Variants in PLAAT1 observed in about 807,000 individuals in gnomAD.
The protein encoded by PLAAT1 is phospholipase A and acyltransferase 1.
A neutral mutation model predicts 16.4 loss-of-function variants in PLAAT1; 13 were observed. The observed-to-expected ratio is 0.79, with a 90% CI of 0.52 to 1.26. The LOEUF is 1.26. Among genes scored for constraint, PLAAT1 ranks in the 50% most tolerant of loss-of-function variants. The pLI is 0.00. For synonymous variants in PLAAT1, 73 were observed against 78.4 expected (o/e 0.93, Z 0.36); for missense variants, 218 against 207.8 (o/e 1.05, Z -0.30).
chr3:193,257,046 A>AT (rs1256422494), intron 2 of PLAAT1, among the ~76,000 whole-genome samples: 1 of 152,042 alleles, frequency 6.6e-6, no homozygotes, highest in Non-Finnish European at 1.5e-5. Context: ...ACACATCTGC[A>AT]TTTTTTTCTA....
chr3:193,258,186 C>A (rs1716447753), intron 2 of PLAAT1, among the ~76,000 whole-genome samples: 2 of 152,060 alleles, frequency 1.3e-5, no homozygotes, highest in Admixed American at 1.3e-4. Context: ...GAAATGAGGG[C>A]AGAAATCAAA....
At chr3:193,266,625 A>T (rs1716785821) in intron 3 of PLAAT1, among the ~76,000 whole-genome samples, 1 of 152,166 alleles carries the variant, frequency 6.6e-6, no homozygotes, top group Non-Finnish European at 1.5e-5. Flanking sequence ...ACTGTTTATC[A>T]GTCTTCTAAT....
intron 2 of PLAAT1, among the ~76,000 whole-genome samples, chr3:193,257,257 G>T (rs1716412948): frequency 1.3e-5 from 2 of 152,066 alleles, no homozygotes; most frequent in Admixed American, 1.3e-4. Flanking sequence ...GACTATCACT[G>T]TGCCCAAGAG....
At chr3:193,248,402 A>G (rs182636724) in intron 1 of PLAAT1, among the ~76,000 whole-genome samples, 84 of 151,940 alleles carry the variant, frequency 5.5e-4, no homozygotes, top group Non-Finnish European at 1.1e-3. Flanking sequence ...AATTTAATAC[A>G]CTTACATTCA....
upstream of PLAAT1, chr3:193,241,115 C>T (rs1715710874): frequency 2.4e-6 from 2 of 840,522 alleles, no homozygotes; most frequent in Middle Eastern, 4.3e-4. Context: ...AGGTGCAGTT[C>T]CCCGGCGGGC....
Position 193,244,468 on chromosome 3 carries a change from GT to G in PLAAT1, c.-1+2947del, listed in dbSNP as rs550328718. On this transcript the variant is annotated intron_variant, in intron 1 of 3. Transcript: ENST00000264735. The stretch of plus-strand genomic sequence containing the variant: ...TAGATGTATAATGATATCTCATTTT[GT>G]TTTTTTTTTTTAAATTGACAATGAT... Among the ~76,000 whole-genome samples, 1,048 of 141,876 alleles carry G rather than the reference GT, an allele frequency of 7.4e-3. 14 individuals carry two copies. The highest frequency in any genetic ancestry group is 0.037 in the Middle Eastern group (10 of 270). The allele number at this position is 141,876 out of a possible 152,430, so 93.1% of individuals were successfully genotyped here.
intron 2 of PLAAT1, among the ~76,000 whole-genome samples, chr3:193,256,537 A>T (rs1464411748): frequency 6.6e-6 from 1 of 152,198 alleles, no homozygotes; most frequent in East Asian, 1.9e-4. Flanking sequence ...AAGCTAATAC[A>T]CCTTTTGAAA....
intron 3 of PLAAT1, among the ~76,000 whole-genome samples, chr3:193,264,920 A>G (rs1012070055): frequency 3.9e-5 from 6 of 152,236 alleles, no homozygotes; most frequent in African/African-American, 9.6e-5. Context: ...TCTAGAATAC[A>G]TATTTTTCAT....
At chr3:193,257,230 C>A (rs1362646588) in intron 2 of PLAAT1, among the ~76,000 whole-genome samples, 1 of 152,124 alleles carries the variant, frequency 6.6e-6, no homozygotes, top group Non-Finnish European at 1.5e-5. Flanking sequence ...CCAGTGTGAG[C>A]CCCATGTTCA....
chr3:193,244,845 G>T (rs188923724), intron 1 of PLAAT1, among the ~76,000 whole-genome samples: 2 of 152,012 alleles, frequency 1.3e-5, no homozygotes, highest in African/African-American at 4.8e-5. Flanking sequence ...TTTAATCCAT[G>T]AACTCCTTAA....
At chr3:193,276,847 A>G in intron 2 of PLAAT1, 9 of 1,587,540 alleles carry the variant, frequency 5.7e-6, no homozygotes, top group East Asian at 2.2e-5. Context: ...AAAAACAAAT[A>G]CCATTATTAT....
At chr3:193,277,399 A>T (rs1717269083) in intron 2 of PLAAT1, among the ~76,000 whole-genome samples, 1 of 152,164 alleles carries the variant, frequency 6.6e-6, no homozygotes, top group South Asian at 2.1e-4. Context: ...TGCTTATTTA[A>T]AGTGTGAGAG....
chr3:193,275,198 G>C (rs200117973), downstream of PLAAT1: 319 of 1,614,182 alleles, frequency 2.0e-4, no homozygotes, highest in Middle Eastern at 4.6e-3. Flanking sequence ...GCCAGGTTGA[G>C]TCTTCTGCTA....
At chr3:193,244,123 T>G (rs1715882847) in intron 1 of PLAAT1, among the ~76,000 whole-genome samples, 1 of 152,238 alleles carries the variant, frequency 6.6e-6, no homozygotes, top group African/African-American at 2.4e-5. Flanking sequence ...TTTAATTTTT[T>G]TAACCACCCT....
chr3:193,272,050 T>C (rs1173910870), downstream of PLAAT1, among the ~76,000 whole-genome samples: 1 of 152,136 alleles, frequency 6.6e-6, no homozygotes, highest in East Asian at 1.9e-4. Flanking sequence ...GGTGTGAGTG[T>C]CTCCTACCAG....
chr3:193,243,806 C>T (rs1715871545), intron 1 of PLAAT1, among the ~76,000 whole-genome samples: 1 of 152,286 alleles, frequency 6.6e-6, no homozygotes, highest in African/African-American at 2.4e-5. Context: ...ACAGAACAAC[C>T]TGTCACCACT....
chr3:193,271,103 C>T (rs113218542), downstream of PLAAT1, among the ~76,000 whole-genome samples: 2,947 of 152,256 alleles, frequency 0.019, 106 homozygotes, highest in African/African-American at 0.068. Flanking sequence ...AGTTGACATC[C>T]AAATTCATGT....
intron 3 of PLAAT1, among the ~76,000 whole-genome samples, chr3:193,264,117 G>T (rs999612649): frequency 4.3e-4 from 65 of 152,226 alleles, no homozygotes; most frequent in Non-Finnish European, 1.2e-4. Context: ...AAATTTGAAG[G>T]ATAATACCAT....
intron 1 of PLAAT1, among the ~76,000 whole-genome samples, chr3:193,242,452 G>A (rs78845223): frequency 0.012 from 1,824 of 152,182 alleles, 40 homozygotes; most frequent in African/African-American, 0.042. Flanking sequence ...TGAGTCATTT[G>A]GGGCACTTGG....
Sources: allele counts gnomAD v4.1 joint callset (sites outside exome capture counted in the v4.1 genomes callset), GRCh38; gene constraint gnomAD v4.1.1; transcripts MANE v1.5; gene names NCBI Gene and HGNC (gene_info 2026-07-23, HGNC 2026-07-21).